Variants in SLCO3A1 observed in about 807,000 individuals in gnomAD.
The protein encoded by SLCO3A1 is PGE1 transporter.
A neutral mutation model predicts 63.1 loss-of-function variants in SLCO3A1; 27 were observed. The observed-to-expected ratio is 0.43, with a 90% CI of 0.32 to 0.59. The LOEUF is 0.59. Among genes scored for constraint, SLCO3A1 ranks in the 20% least tolerant of loss-of-function variants. The probability of loss-of-function intolerance (pLI) is 0.09; values close to 1 mark genes in which losing one functional copy is unlikely to be tolerated. For missense variants in SLCO3A1, 773 were observed against 945.8 expected, an observed-to-expected ratio of 0.82 and a Z score of 2.40; for synonymous variants, 473 against 409.9, an observed-to-expected ratio of 1.15 and a Z score of -1.86.
At chr15:92,032,762 T>C (rs2046670152) in intron 2 of SLCO3A1, among the ~76,000 whole-genome samples, 1 of 151,990 alleles carries the variant, frequency 6.6e-6, no homozygotes, top group Non-Finnish European at 1.5e-5. Context: ...GTTGGAGATG[T>C]GGTGAGGAGA....
At chr15:92,047,037 T>C (rs1283580776) in intron 2 of SLCO3A1, among the ~76,000 whole-genome samples, 1 of 68,080 alleles carries the variant, frequency 1.5e-5, no homozygotes, top group African/African-American at 5.4e-5. Flanking sequence ...AATATATATA[T>C]ATAAATATAT....
intron 4 of SLCO3A1, among the ~76,000 whole-genome samples, chr15:92,118,377 T>C (rs2047821097): frequency 6.6e-6 from 1 of 152,194 alleles, no homozygotes; most frequent in Non-Finnish European, 1.5e-5. Context: ...TCCATTTGCA[T>C]AACTAAGTTC....
downstream of SLCO3A1, chr15:92,170,813 C>T (rs967425323): frequency 6.6e-6 from 1 of 152,270 alleles, no homozygotes; most frequent in African/African-American, 2.4e-5. Flanking sequence ...TTAGCCACAT[C>T]AGCAGGAACT....
At chr15:92,042,564 AC>A (rs1249515453) in intron 2 of SLCO3A1, among the ~76,000 whole-genome samples, 1 of 152,180 alleles carries the variant, frequency 6.6e-6, no homozygotes, top group Non-Finnish European at 1.5e-5. Context: ...TCAGAGGAGC[AC>A]ACAGAAAAAT....
At chr15:91,959,582 A>G (rs1357712472) in intron 2 of SLCO3A1, among the ~76,000 whole-genome samples, 1 of 151,852 alleles carries the variant, frequency 6.6e-6, no homozygotes, top group Non-Finnish European at 1.5e-5. Flanking sequence ...ATACAAAAAA[A>G]TTCGCTGGGT....
chr15:91,899,186 A>G (rs1473090737), intron 1 of SLCO3A1, among the ~76,000 whole-genome samples: 1 of 152,188 alleles, frequency 6.6e-6, no homozygotes, highest in Non-Finnish European at 1.5e-5. Context: ...AGTGATTCCT[A>G]AATATCCAGG....
intron 10 of SLCO3A1, chr15:92,171,270 C>T (rs936644009): frequency 2.0e-5 from 3 of 152,954 alleles, no homozygotes; most frequent in Non-Finnish European, 4.4e-5. Context: ...AACCTTGCTC[C>T]AAAGAGGATA....
In SLCO3A1 at chr15:91,872,328, C is replaced by T. The variant is rs1305121852; in HGVS notation, c.180+18240C>T. On this transcript the variant is annotated intron_variant, in intron 1 of 9. Coordinates refer to ENST00000318445, the MANE Select transcript of SLCO3A1 (RefSeq NM_013272.4). This position sits in a 1 kb window ranked among gnomAD's most constrained non-coding sequence, Gnocchi z 4.1. ...CGGGCAGATCACGAGGTCAGGAGTT[C>T]GAGACCAGCCTGGCCAACGTGGTGA... Among the ~76,000 whole-genome samples, 2 of 152,040 alleles carry T rather than the reference C, an allele frequency of 1.3e-5. No homozygotes were observed. The highest frequency in any genetic ancestry group is 2.9e-5 in the Non-Finnish European group (2 of 68,020).
rs548929418 is a variant in SLCO3A1, at chr15:92,007,483, A to G, written c.647-87398A>G. 1.1e-4 allele frequency among the ~76,000 whole-genome samples: 16 copies of G among 152,322 alleles called. 1 individual carries two copies. In the South Asian group the frequency reaches 3.3e-3, roughly 32 times the overall value. ...ATGTCAGATGTTGTTTTGGGGGAGA[A>G]CAGAGGAAGAGGAGTCACTGAATAG... On this transcript the variant is annotated intron_variant, in intron 2 of 9. Coordinates refer to ENST00000318445, the MANE Select transcript of SLCO3A1 (RefSeq NM_013272.4).
chr15:92,158,718 G>A (rs2048401393), intron 9 of SLCO3A1, among the ~76,000 whole-genome samples: 1 of 152,156 alleles, frequency 6.6e-6, no homozygotes, highest in African/African-American at 2.4e-5. Context: ...TCCCTTCTGT[G>A]ACTCATCAGG....
In SLCO3A1 at chr15:92,145,619, A is replaced by C. The variant is rs548583098; in HGVS notation, c.1513-1365A>C. ...TGCCCAGTGAGGTGAGGTTCTGAGAAGGGAGGCAGTATCTGAGCTGGGTTT... is the reference window on the plus strand; with the variant it reads ...TGCCCAGTGAGGTGAGGTTCTGAGACGGGAGGCAGTATCTGAGCTGGGTTT... On this transcript the variant is annotated intron_variant, in intron 7 of 9. Coordinates refer to ENST00000318445, the MANE Select transcript of SLCO3A1 (RefSeq NM_013272.4). Among the ~76,000 whole-genome samples the C allele has an allele frequency of 1.1e-4, 16 of 152,236 alleles. 1 individual carries two copies. Among genetic ancestry groups the C allele is most frequent in the African/African-American group, 3.9e-4 (16 of 41,544 alleles).
At chr15:91,959,723 CAA>C (rs34759500) in intron 2 of SLCO3A1, among the ~76,000 whole-genome samples, 102 of 71,994 alleles carry the variant, frequency 1.4e-3, no homozygotes, top group South Asian at 3.6e-3. Flanking sequence ...GACTCCATCT[CAA>C]AAAAAAAAAA....
intron 5 of SLCO3A1, 47 bp from the exon 6 acceptor site, chr15:92,126,014 G>T (rs1171008818): frequency 6.4e-7 from 1 of 1,553,198 alleles, no homozygotes. Flanking sequence ...CTGTAGACTG[G>T]CCCCACCTTC....
At chr15:92,139,416 A>C (rs1447196226) in intron 7 of SLCO3A1, among the ~76,000 whole-genome samples, 1 of 152,030 alleles carries the variant, frequency 6.6e-6, no homozygotes, top group Admixed American at 6.6e-5. Context: ...ATGTTCATCA[A>C]GGATATTGGT....
intron 2 of SLCO3A1, among the ~76,000 whole-genome samples, chr15:91,930,881 G>A (rs1271705531): frequency 6.6e-6 from 1 of 152,210 alleles, no homozygotes; most frequent in Non-Finnish European, 1.5e-5. Flanking sequence ...GGGACACCTT[G>A]GGGATTGGAG....
chr15:91,941,102 G>A lies in SLCO3A1; in HGVS notation c.646+24644G>A, dbSNP rs143134612. On this transcript the variant is annotated intron_variant, in intron 2 of 9. Coordinates refer to ENST00000318445, the MANE Select transcript of SLCO3A1 (RefSeq NM_013272.4). The surrounding 1 kb of genome is among the most constrained non-coding windows in gnomAD (Gnocchi z 4.4). ...GACATTAACGTGCAAGCCTCTGGCC[G>A]TGCAATTAGAGGTTGTTAGGCAGCT... Among the ~76,000 whole-genome samples, 1,177 of 152,308 alleles carry A rather than the reference G, an allele frequency of 7.7e-3. 4 individuals are homozygous for A. Among genetic ancestry groups the A allele is most frequent in the Non-Finnish European group, 0.014 (924 of 68,026 alleles).
chr15:92,078,081 G>A (rs1460268840), intron 2 of SLCO3A1, among the ~76,000 whole-genome samples: 1 of 152,164 alleles, frequency 6.6e-6, no homozygotes, highest in Non-Finnish European at 1.5e-5. Flanking sequence ...GAATGATTTT[G>A]TTGTTGCCAT....
intron 5 of SLCO3A1, among the ~76,000 whole-genome samples, chr15:92,123,457 A>C (rs1416629290): frequency 6.6e-6 from 1 of 152,022 alleles, no homozygotes; most frequent in African/African-American, 2.4e-5. Context: ...ACCCTATCAC[A>C]ATGATATGGC....
intron 2 of SLCO3A1, among the ~76,000 whole-genome samples, chr15:91,995,710 T>C (rs1191803833): frequency 1.7e-5 from 2 of 118,684 alleles, no homozygotes; most frequent in East Asian, 2.4e-4. Flanking sequence ...AAAAAAGTTA[T>C]ACATACCTTG....
Sources: gnomAD v4.1 joint callset for allele counts (sites outside exome capture counted in the v4.1 genomes callset) on GRCh38, gnomAD v4.1.1 for gene constraint, Gnocchi (gnomAD v3.1) non-coding constraint, MANE v1.5 for transcripts, NCBI Gene and HGNC (gene_info 2026-07-23, HGNC 2026-07-21) for gene names.